The following PTPRF variants were observed in gnomAD, a reference collection of about 807,000 sequenced individuals.
The protein encoded by PTPRF is receptor-type tyrosine-protein phosphatase F.
In PTPRF, 59 loss-of-function variants were observed where a neutral mutation model predicts 201.8. The ratio of observed to expected loss-of-function variants is 0.29; its 90% CI spans 0.24 to 0.36. PTPRF has a LOEUF of 0.36. PTPRF is among the 10% of genes least tolerant of loss of function. PTPRF has a pLI of 1.00. For missense variants in PTPRF, 2,132 were observed against 2,690.5 expected, an observed-to-expected ratio of 0.79 and a Z score of 4.59; for synonymous variants, 1,088 against 1,089.7, an observed-to-expected ratio of 1.00 and a Z score of 0.03.
intron 3 of PTPRF, among the ~76,000 whole-genome samples, chr1:43,550,809 T>C (rs1309636131): frequency 2.0e-5 from 3 of 151,594 alleles, no homozygotes; most frequent in Admixed American, 2.0e-4. Context: ...AGCTCATAGG[T>C]TGGGGGCAGG....
chr1:43,523,746 T>A (rs1265893912), upstream of PTPRF, among the ~76,000 whole-genome samples: 1 of 152,026 alleles, frequency 6.6e-6, no homozygotes, highest in East Asian at 1.9e-4. Context: ...CAGAACACTC[T>A]TATGGAAGAA....
chr1:43,615,642 G>C (rs1402065739), intron 23 of PTPRF, among the ~76,000 whole-genome samples: 3 of 140,148 alleles, frequency 2.1e-5, no homozygotes, highest in East Asian at 2.3e-4. Flanking sequence ...TCTCGGCTCA[G>C]TGCAAGCTCT....
At position 43,534,800 on chromosome 1, in the gene PTPRF, G is replaced by T. The variant is rs577855576; in HGVS notation, c.-125-3398G>T. Among the ~76,000 whole-genome samples the T allele has an allele frequency of 1.4e-3, 206 of 152,292 alleles. 1 individual carries two copies. The highest frequency in any genetic ancestry group is 4.7e-3 in the African/African-American group (195 of 41,556). ...CGAGAGAAAGTAACCTCCGACAGTG[G>T]TGAAGAGCTCGAGTTTTATACTGCT... On this transcript the variant is annotated intron_variant, in intron 1 of 33. Coordinates refer to ENST00000359947, the MANE Select transcript of PTPRF (RefSeq NM_002840.5).
intron 16 of PTPRF, 120 bp downstream of exon 16, chr1:43,604,309 ATC>A (rs1291775473): frequency 4.2e-5 from 43 of 1,023,088 alleles, no homozygotes; most frequent in Non-Finnish European, 6.1e-5. Flanking sequence ...GTGACCTCCA[ATC>A]TCTCATGACT....
chr1:43,620,306 T>C, intron 30 of PTPRF, 85 bp downstream of exon 30: 1 of 1,572,398 alleles, frequency 6.4e-7, no homozygotes. Flanking sequence ...TATGTTACTG[T>C]CTCCTTTGAC....
chr1:43,572,287 A>G (rs1344035376), intron 6 of PTPRF, among the ~76,000 whole-genome samples: 1 of 152,208 alleles, frequency 6.6e-6, no homozygotes, highest in African/African-American at 2.4e-5. Flanking sequence ...GAATGATTTC[A>G]TGAACTTGAC....
intron 3 of PTPRF, among the ~76,000 whole-genome samples, chr1:43,552,352 C>T (rs1384138067): frequency 6.6e-6 from 1 of 152,140 alleles, no homozygotes; most frequent in African/African-American, 2.4e-5. Flanking sequence ...GAATTCAGGT[C>T]CCAGATGTGC....
chr1:43,610,490 C>T (rs913394822), intron 22 of PTPRF, among the ~76,000 whole-genome samples: 11 of 152,360 alleles, frequency 7.2e-5, no homozygotes, highest in Admixed American at 6.5e-4. Context: ...GGCCCTCAGC[C>T]GGAAGACTTG....
At chr1:43,598,574 A>G (rs1443790358) in intron 12 of PTPRF, 146 bp from the exon 13 acceptor site, 3 of 767,548 alleles carry the variant, frequency 3.9e-6, no homozygotes, top group Non-Finnish European at 4.2e-6. Flanking sequence ...CGTGTGCCTC[A>G]CCAGGGACAG....
In PTPRF at chr1:43,613,653, C is replaced by G. The variant is rs751268560; in HGVS notation, c.4009C>G (p.Leu1337Val). Reference protein sequence around the residue: ...RDHPPIPITDLADNIERLKAN... With the variant: ...RDHPPIPITDVADNIERLKAN... ...CCACCCACCCATCCCCATCACCGAC[C>G]TGGCGGACAACATCGAGCGCCTCAA... Residue 1337 changes from leucine (L) to valine (V), a missense_variant, in exon 23 of 34, where the codon CTG (leucine) becomes GTG (valine). By Grantham distance (32) the Leu-to-Val change is conservative. Coordinates refer to ENST00000359947, the MANE Select transcript of PTPRF (RefSeq NM_002840.5). The G allele has an allele frequency of 2.5e-6, 4 of 1,614,228 alleles. No homozygotes were observed. In the Admixed American group the frequency reaches 5.0e-5, roughly 20 times the overall value.
rs775468235 is a variant in PTPRF, at chr1:43,591,099, G to A, written c.1077G>A (p.Thr359=). 77 of 1,613,826 alleles carry A rather than the reference G, an allele frequency of 4.8e-5. No homozygotes were observed. The highest frequency in any genetic ancestry group is 2.4e-4 in the East Asian group (11 of 44,904). The change falls in exon 9 of 34, where the codon ACG becomes ACA. Residue 359 remains threonine, a synonymous_variant. Transcript: ENST00000359947. ...GCATCCAGTACCGCGCAGCGGGCAC[G>A]GAGGGCCCCTTTCAGGAGGTGGATG... The part of the protein sequence containing the change: ...YYGIQYRAAG[T]EGPFQEVDGV...
intron 22 of PTPRF, among the ~76,000 whole-genome samples, chr1:43,611,658 A>T (rs1309569025): frequency 2.0e-5 from 3 of 152,130 alleles, no homozygotes; most frequent in East Asian, 3.9e-4. Flanking sequence ...AGGAGACTGG[A>T]TTAGAGAGGA....
intron 7 of PTPRF, chr1:43,579,243 T>G (rs1229380255): frequency 1.6e-5 from 9 of 562,416 alleles, no homozygotes; most frequent in Non-Finnish European, 3.2e-5. Flanking sequence ...TTGGTGTATG[T>G]GCATGTGTGT....
chr1:43,539,300 G>A (rs1644216792), intron 2 of PTPRF, among the ~76,000 whole-genome samples: 2 of 152,156 alleles, frequency 1.3e-5, no homozygotes, highest in South Asian at 4.1e-4. Context: ...TTGCGGGCTT[G>A]GTGACTGACA....
intron 1 of PTPRF, among the ~76,000 whole-genome samples, chr1:43,531,467 C>G (rs1479482692): frequency 6.8e-6 from 1 of 146,048 alleles, no homozygotes; most frequent in Non-Finnish European, 1.5e-5. Context: ...CGCCTCGTCC[C>G]CCCTTCTAGC....
In PTPRF at chr1:43,603,220, C is replaced by T. The variant is rs1224436154; in HGVS notation, c.2341-196C>T. Among the ~76,000 whole-genome samples the T allele has an allele frequency of 6.6e-6, 1 of 152,116 alleles. No individual in the cohort carries two copies. Among genetic ancestry groups the T allele is most frequent in the African/African-American group, 2.4e-5 (1 of 41,410 alleles). ...CCAGGCGTGCGGCTCCTGGGATGGG[C>T]GGGGTCCTCCCAGGCCTGCATCCTA... is the stretch of plus-strand genomic sequence containing the variant. On this transcript the variant is annotated intron_variant, in intron 14 of 33. Transcript: ENST00000359947. This position sits in a 1 kb window ranked among gnomAD's most constrained non-coding sequence, Gnocchi z 5.8.
chr1:43,524,057 A>C (rs1221737473), upstream of PTPRF, among the ~76,000 whole-genome samples: 2 of 149,868 alleles, frequency 1.3e-5, no homozygotes, highest in African/African-American at 4.9e-5. Flanking sequence ...TGTCAAAAAA[A>C]AAAAAAAAAA....
In PTPRF at chr1:43,553,421, C is replaced by T; in HGVS notation, c.92-71C>T. 6.7e-7 allele frequency: 1 copy of T among 1,501,966 alleles called. No homozygotes were observed. Among genetic ancestry groups the T allele is most frequent in the Non-Finnish European group, 9.1e-7 (1 of 1,098,398 alleles). 93.0% of individuals were successfully genotyped at this position (1,501,966 alleles called of 1,614,324 possible). A position where few individuals can be genotyped will look rare whatever the true frequency, so the allele number is the denominator to read the frequency against. On this transcript the variant is annotated intron_variant, in intron 3 of 33. Coordinates refer to ENST00000359947, the MANE Select transcript of PTPRF (RefSeq NM_002840.5). The surrounding 1 kb of genome is among the most constrained non-coding windows in gnomAD (Gnocchi z 4.1). ...TAGGTCTTTCTCTCTGCCCCCATGACTGCCACCTTCCTCACTGGCCATTCC... is the reference window on the plus strand; with the variant it reads ...TAGGTCTTTCTCTCTGCCCCCATGATTGCCACCTTCCTCACTGGCCATTCC...
In PTPRF at chr1:43,620,348, G is replaced by A. The variant is rs561315993; in HGVS notation, c.5239-106G>A. ...GCTGCTTGTCAGCATGGCCTCAGGCGCCCGTTATTACTACCTGAGGCATCT... is the reference window on the plus strand; with the variant it reads ...GCTGCTTGTCAGCATGGCCTCAGGCACCCGTTATTACTACCTGAGGCATCT... On this transcript the variant is annotated intron_variant, in intron 30 of 33. Transcript: ENST00000359947. 5.1e-4 allele frequency: 779 copies of A among 1,522,706 alleles called. 2 individuals carry two copies. Among genetic ancestry groups the A allele is most frequent in the Non-Finnish European group, 6.4e-4 (714 of 1,118,578 alleles). 94.3% of individuals were successfully genotyped at this position (1,522,706 alleles called of 1,614,324 possible). A position where few individuals can be genotyped will look rare whatever the true frequency, so the allele number is the denominator to read the frequency against.
Sources: allele counts gnomAD v4.1 joint callset (sites outside exome capture counted in the v4.1 genomes callset), GRCh38; gene constraint gnomAD v4.1.1; non-coding constraint Gnocchi (gnomAD v3.1); transcripts MANE v1.5; gene names NCBI Gene and HGNC (gene_info 2026-07-23, HGNC 2026-07-21).